ERC1: variants seen among roughly 807,000 people sequenced by gnomAD.
ERC1 encodes the protein ELKS/RAB6-interacting/CAST family member 1.
Under a neutral mutation model 132.0 loss-of-function variants are expected in ERC1, and 56 were observed. The ratio of observed to expected loss-of-function variants is 0.42; its 90% CI spans 0.34 to 0.53. The LOEUF is 0.53. Ranked by LOEUF, ERC1 falls within the 20% of genes least tolerant of loss-of-function variation. The pLI, the probability that ERC1 is intolerant of heterozygous loss-of-function variation, is 0.03. For synonymous variants in ERC1, 478 were observed against 476.1 expected (o/e 1.00, Z -0.05); for missense variants, 1,202 against 1,349.9 (o/e 0.89, Z 1.72).
rs570667787 is a variant in ERC1, at chr12:1,286,154, C to T, written c.2620-3698C>T. On this transcript the variant is annotated intron_variant, in intron 14 of 18. Coordinates refer to ENST00000360905, the MANE Select transcript of ERC1 (RefSeq NM_178040.4). ...ACTAAAAACACAAAAATTAACCAGA[C>T]GTGGTGGTGCATACCTGTAATCTCA... Among the ~76,000 whole-genome samples, 7 of 151,930 alleles carry T rather than the reference C, an allele frequency of 4.6e-5. No homozygotes were observed. In the South Asian group the frequency reaches 6.2e-4, roughly 14 times the overall value.
At chr12:1,119,592 C>T (rs1946849995) in intron 7 of ERC1, among the ~76,000 whole-genome samples, 1 of 148,274 alleles carries the variant, frequency 6.7e-6, no homozygotes, top group South Asian at 2.1e-4. Flanking sequence ...GCTCTTGTTG[C>T]CCAGGCTGGA....
chr12:1,347,391 T>C (rs2084580614), intron 15 of ERC1, among the ~76,000 whole-genome samples: 1 of 152,156 alleles, frequency 6.6e-6, no homozygotes, highest in African/African-American at 2.4e-5. Flanking sequence ...ATGTACAACA[T>C]GATGTTTTGA....
chr12:1,286,293 C>CAAAAAAAA (rs71293127), intron 14 of ERC1, among the ~76,000 whole-genome samples: 2 of 81,254 alleles, frequency 2.5e-5, no homozygotes, highest in Non-Finnish European at 4.6e-5. Flanking sequence ...GACTCCATCT[C>CAAAAAAAA]AAAAAAAAAA....
intron 17 of ERC1, among the ~76,000 whole-genome samples, chr12:1,420,789 G>A (rs1286258605): frequency 6.6e-6 from 1 of 151,906 alleles, no homozygotes; most frequent in Non-Finnish European, 1.5e-5. Flanking sequence ...CTACAGGAGA[G>A]TTATCTGGAA....
At chr12:1,360,567 T>TA (rs1228265591) in intron 15 of ERC1, among the ~76,000 whole-genome samples, 14 of 152,304 alleles carry the variant, frequency 9.2e-5, no homozygotes, top group African/African-American at 3.1e-4. Flanking sequence ...GTGTCAAAAT[T>TA]AAAATTCAGT....
chr12:1,377,373 A>ATCTAGCAGACAT lies in ERC1; in HGVS notation c.2925+5404_2925+5415dup, dbSNP rs1055090193. Among the ~76,000 whole-genome samples, 18 of 152,196 alleles carry ATCTAGCAGACAT rather than the reference A, an allele frequency of 1.2e-4. 1 individual carries two copies. Among genetic ancestry groups the ATCTAGCAGACAT allele is most frequent in the African/African-American group, 4.3e-4 (18 of 41,500 alleles). ...ATGCTTTGAATTGGCCGTTTCTGCA[A>ATCTAGCAGACAT]TCTAGCAGACATTCTAGCACACATT... On this transcript the variant is annotated intron_variant, in intron 16 of 18. Transcript: ENST00000360905.
intron 6 of ERC1, among the ~76,000 whole-genome samples, chr12:1,114,896 G>T (rs1946287357): frequency 6.6e-6 from 1 of 152,146 alleles, no homozygotes; most frequent in Admixed American, 6.5e-5. Context: ...TTCCTCAAAG[G>T]TCTAATTTTA....
At chr12:1,116,112 T>C (rs762749268) in intron 7 of ERC1, 79 bp downstream of exon 7, 2 of 1,269,428 alleles carry the variant, frequency 1.6e-6, no homozygotes, top group Non-Finnish European at 2.2e-6. Flanking sequence ...GTTTTTGTTA[T>C]GTTTAGAATT....
chr12:1,079,981 C>T (rs980972063), intron 2 of ERC1, among the ~76,000 whole-genome samples: 9 of 152,170 alleles, frequency 5.9e-5, no homozygotes, highest in Non-Finnish European at 1.2e-4. Context: ...CCAGCAATTC[C>T]ATCTTTGAGA....
chr12:1,244,288 G>A (rs2076018937), intron 13 of ERC1, among the ~76,000 whole-genome samples: 1 of 151,984 alleles, frequency 6.6e-6, no homozygotes, highest in African/African-American at 2.4e-5. Context: ...AATTAATTAT[G>A]TCTTCTTATT....
chr12:1,170,125 G>A (rs1952890034), intron 8 of ERC1, among the ~76,000 whole-genome samples: 1 of 152,042 alleles, frequency 6.6e-6, no homozygotes, highest in Non-Finnish European at 1.5e-5. Context: ...ACTTGAAATT[G>A]GTATAATATT....
rs144659548 is a variant in ERC1 at position 1,263,879 on chromosome 12, G to A, written c.2619+714G>A. On this transcript the variant is annotated intron_variant, in intron 14 of 18. Transcript: ENST00000360905. ...TAATTTTTGTATTTTTAGTAAAGTTGGGGTTTCACCATGTTGGCCAGGCTG... is the reference window on the plus strand; with the variant it reads ...TAATTTTTGTATTTTTAGTAAAGTTAGGGTTTCACCATGTTGGCCAGGCTG... 1.0e-3 allele frequency among the ~76,000 whole-genome samples: 157 copies of A among 151,932 alleles called. No individual in the cohort carries two copies. The East Asian group carries it at 0.022, about 21-fold the overall frequency.
chr12:1,057,530 T>G (rs1319650274), intron 2 of ERC1, among the ~76,000 whole-genome samples: 1 of 151,990 alleles, frequency 6.6e-6, no homozygotes, highest in Non-Finnish European at 1.5e-5. Flanking sequence ...TATTGTACTT[T>G]TTTTTTAAAA....
At chr12:1,192,081 G>C (rs1176486387) in intron 12 of ERC1, among the ~76,000 whole-genome samples, 3 of 152,184 alleles carry the variant, frequency 2.0e-5, no homozygotes, top group African/African-American at 2.4e-5. Flanking sequence ...GTAAATTCCA[G>C]ATCAATTTTC....
intron 18 of ERC1, among the ~76,000 whole-genome samples, chr12:1,470,698 CAGCTT>C (rs1034648439): frequency 1.3e-5 from 2 of 152,180 alleles, no homozygotes; most frequent in African/African-American, 4.8e-5. Flanking sequence ...ATTACCAAAT[CAGCTT>C]AGACAACCAG....
chr12:1,025,135 C>G (rs1380089491), intron 1 of ERC1, among the ~76,000 whole-genome samples: 1 of 152,056 alleles, frequency 6.6e-6, no homozygotes, highest in Non-Finnish European at 1.5e-5. Flanking sequence ...TACCAAGGGA[C>G]AACTGCCTGT....
intron 15 of ERC1, among the ~76,000 whole-genome samples, chr12:1,322,551 A>G (rs1217875456): frequency 6.6e-6 from 1 of 152,208 alleles, no homozygotes; most frequent in Admixed American, 6.5e-5. Context: ...AGAAATTGCT[A>G]AGAAGTAAAC....
rs966060482 is a variant in ERC1, at chr12:1,109,220, A to G, written c.1162-972A>G. Reference sequence around the variant, plus strand: ...ACAAAATCAAGAGATCGAATATGAAATAATGTTCTGTTGGAAGGTGATATT... The same window carrying G: ...ACAAAATCAAGAGATCGAATATGAAGTAATGTTCTGTTGGAAGGTGATATT... On this transcript the variant is annotated intron_variant, in intron 4 of 18. Coordinates refer to ENST00000360905, the MANE Select transcript of ERC1 (RefSeq NM_178040.4). Among the ~76,000 whole-genome samples, 4 of 152,356 alleles carry G rather than the reference A, an allele frequency of 2.6e-5. No individual in the cohort carries two copies. In the East Asian group the frequency reaches 7.7e-4, roughly 29 times the overall value.
intron 2 of ERC1, among the ~76,000 whole-genome samples, chr12:1,036,272 T>C (rs1205565683): frequency 1.3e-5 from 2 of 152,056 alleles, no homozygotes; most frequent in Admixed American, 1.3e-4. Flanking sequence ...CATTTTTTTT[T>C]CTCATTATTT....
Sources: gnomAD v4.1 joint callset for allele counts (sites outside exome capture counted in the v4.1 genomes callset) on GRCh38, gnomAD v4.1.1 for gene constraint, MANE v1.5 for transcripts, NCBI Gene and HGNC (gene_info 2026-07-23, HGNC 2026-07-21) for gene names.